ME3: variants seen among roughly 807,000 people sequenced by gnomAD.
The protein encoded by ME3 is NADP-dependent malic enzyme, mitochondrial.
In ME3, 48 loss-of-function variants were observed where a neutral mutation model predicts 68.9. That is an observed-to-expected ratio of 0.70 (90% CI 0.55 to 0.89). The LOEUF is 0.89. ME3 is among the 40% of genes least tolerant of loss of function. The pLI is 0.00. For missense variants in ME3, 675 were observed against 797.4 expected, an observed-to-expected ratio of 0.85 and a Z score of 1.85; for synonymous variants, 320 against 318.8, an observed-to-expected ratio of 1.00 and a Z score of -0.04.
At chr11:86,611,878 T>C (rs1942604860) in intron 2 of ME3, among the ~76,000 whole-genome samples, 1 of 152,234 alleles carries the variant, frequency 6.6e-6, no homozygotes, top group South Asian at 2.1e-4. Context: ...CAACCATTTA[T>C]TGGATATGCA....
intron 4 of ME3, among the ~76,000 whole-genome samples, chr11:86,520,954 A>C (rs1179555102): frequency 6.6e-6 from 1 of 152,222 alleles, no homozygotes. Flanking sequence ...CTAGAGTTCC[A>C]TGACTCTAAT....
At chr11:86,471,384 T>G (rs181274957) in intron 7 of ME3, among the ~76,000 whole-genome samples, 2 of 152,206 alleles carry the variant, frequency 1.3e-5, no homozygotes, top group East Asian at 3.9e-4. Flanking sequence ...TCCACCCACC[T>G]TGGCCTCCCA....
chr11:86,451,363 G>T lies in ME3; in HGVS notation c.920-965C>A, dbSNP rs554407749. On this transcript the variant is annotated intron_variant, in intron 8 of 14. Coordinates refer to ENST00000543262, the Ensembl canonical transcript of ME3. ...TGCCCCATGTGAGAGTTTATCAAAG[G>T]ACATGATGAAAACAGTCTTTCAATA... Among the ~76,000 whole-genome samples, 17 of 152,298 alleles carry T rather than the reference G, an allele frequency of 1.1e-4. No individual in the cohort carries two copies. In the South Asian group the frequency reaches 3.5e-3, roughly 32 times the overall value.
chr11:86,476,375 G>A (rs1239924885), intron 7 of ME3, among the ~76,000 whole-genome samples: 1 of 152,210 alleles, frequency 6.6e-6, no homozygotes. Context: ...GCCATCAAAG[G>A]CATCCTTCCA....
At chr11:86,621,688 G>T (rs1488242522) in intron 2 of ME3, among the ~76,000 whole-genome samples, 1 of 151,830 alleles carries the variant, frequency 6.6e-6, no homozygotes, top group Non-Finnish European at 1.5e-5. Context: ...TTAAGGCAAA[G>T]TTAGTCTAAC....
chr11:86,666,966 TCCTAG>T (rs780665316), intron 2 of ME3, among the ~76,000 whole-genome samples: 19 of 152,176 alleles, frequency 1.2e-4, no homozygotes, highest in Non-Finnish European at 2.8e-4. Flanking sequence ...CAAAGGCAAA[TCCTAG>T]CTGTGTGGAA....
At chr11:86,499,665 C>T (rs1191750631) in intron 5 of ME3, among the ~76,000 whole-genome samples, 1 of 152,174 alleles carries the variant, frequency 6.6e-6, no homozygotes, top group Non-Finnish European at 1.5e-5. Context: ...TCCTCTGCTT[C>T]TGGAAAAGGG....
intron 5 of ME3, among the ~76,000 whole-genome samples, chr11:86,506,405 C>T (rs180947105): frequency 2.3e-3 from 353 of 152,290 alleles, no homozygotes; most frequent in Non-Finnish European, 4.4e-3. Context: ...CAATACGAAG[C>T]AATTTGAGGG....
chr11:86,598,164 T>A (rs879016150), intron 2 of ME3, among the ~76,000 whole-genome samples: 2 of 152,036 alleles, frequency 1.3e-5, no homozygotes, highest in African/African-American at 4.8e-5. Context: ...ACTCGGGAAG[T>A]GCAAGGGGTC....
At chr11:86,563,155 G>A (rs1308448236) in intron 2 of ME3, among the ~76,000 whole-genome samples, 2 of 152,112 alleles carry the variant, frequency 1.3e-5, no homozygotes, top group African/African-American at 4.8e-5. Flanking sequence ...CTTTTTGGTA[G>A]AATGATTTAT....
chr11:86,567,384 T>G (rs1223718411), intron 2 of ME3, among the ~76,000 whole-genome samples: 1 of 152,222 alleles, frequency 6.6e-6, no homozygotes, highest in African/African-American at 2.4e-5. Context: ...TTCTTTTGTA[T>G]TTTTACAAAG....
At chr11:86,527,421 A>G (rs1449668526) in intron 4 of ME3, among the ~76,000 whole-genome samples, 2 of 152,386 alleles carry the variant, frequency 1.3e-5, no homozygotes, top group African/African-American at 4.8e-5. Context: ...GGCGAATGGA[A>G]CCAAGTTGGA....
intron 2 of ME3, among the ~76,000 whole-genome samples, chr11:86,655,968 C>T (rs1457428206): frequency 1.3e-5 from 2 of 151,870 alleles, no homozygotes; most frequent in Non-Finnish European, 2.9e-5. Flanking sequence ...CAAAAGAAGA[C>T]ATTTATGCAG....
chr11:86,471,627 G>A (rs1472562576), intron 7 of ME3, among the ~76,000 whole-genome samples: 1 of 152,072 alleles, frequency 6.6e-6, no homozygotes, highest in Non-Finnish European at 1.5e-5. Context: ...TCTTCTTTGT[G>A]CCAGAAACTA....
chr11:86,509,092 A>G (rs1953306043), intron 4 of ME3, among the ~76,000 whole-genome samples: 1 of 152,200 alleles, frequency 6.6e-6, no homozygotes, highest in Non-Finnish European at 1.5e-5. Context: ...GTGTGCCCAC[A>G]TGGAGCCTGT....
chr11:86,660,105 T>C (rs111756882), intron 2 of ME3, among the ~76,000 whole-genome samples: 1 of 152,350 alleles, frequency 6.6e-6, no homozygotes, highest in Non-Finnish European at 1.5e-5. Context: ...ATGTCTAGAT[T>C]ATCCAGGCTT....
intron 4 of ME3, among the ~76,000 whole-genome samples, chr11:86,532,308 A>G (rs1034532683): frequency 6.7e-6 from 1 of 149,292 alleles, no homozygotes; most frequent in East Asian, 1.9e-4. Flanking sequence ...TTTCAATAAT[A>G]GACAGATCAG....
chr11:86,447,397 A>C (rs530164043), intron 11 of ME3, among the ~76,000 whole-genome samples, 190 bp from the exon 12 acceptor site: 2 of 152,244 alleles, frequency 1.3e-5, no homozygotes, highest in South Asian at 2.1e-4. Flanking sequence ...CCTCCTTTTC[A>C]TCTCTAAGGG....
intron 2 of ME3, among the ~76,000 whole-genome samples, chr11:86,662,435 A>G: frequency 6.7e-6 from 1 of 150,088 alleles, no homozygotes; most frequent in Middle Eastern, 3.4e-3. Context: ...CAGAAAATTA[A>G]TTTTTTTTTT....
Sources: allele counts gnomAD v4.1 joint callset (sites outside exome capture counted in the v4.1 genomes callset), GRCh38; gene constraint gnomAD v4.1.1; transcripts MANE v1.5; gene names NCBI Gene and HGNC (gene_info 2026-07-23, HGNC 2026-07-21).